Variants in FGF14 observed in about 807,000 individuals in gnomAD.
FGF14 encodes the protein fibroblast growth factor homologous factor 4.
A neutral mutation model predicts 25.5 loss-of-function variants in FGF14; 5 were observed. The observed-to-expected ratio is 0.20, with a 90% CI of 0.10 to 0.41. FGF14 has a LOEUF of 0.41. Among genes scored for constraint, FGF14 ranks in the 10% least tolerant of loss-of-function variants. The probability of loss-of-function intolerance (pLI) is 1.00; values close to 1 mark genes in which losing one functional copy is unlikely to be tolerated. For missense variants in FGF14, 222 were observed against 320.1 expected (o/e 0.69, Z 2.34); for synonymous variants, 138 against 118.3 (o/e 1.17, Z -1.08).
At chr13:102,130,332 T>A (rs2046141059) in intron 1 of FGF14, among the ~76,000 whole-genome samples, 1 of 152,192 alleles carries the variant, frequency 6.6e-6, no homozygotes, top group African/African-American at 2.4e-5. Flanking sequence ...ACCTGCTTTT[T>A]CCTGCGTCTA....
chr13:102,304,537 A>G (rs1346960096), intron 1 of FGF14, among the ~76,000 whole-genome samples: 1 of 152,198 alleles, frequency 6.6e-6, no homozygotes, highest in Non-Finnish European at 1.5e-5. Flanking sequence ...ACCAGCCTTC[A>G]AGAGGGACTC....
intron 3 of FGF14, among the ~76,000 whole-genome samples, chr13:101,826,930 C>T (rs958976884): frequency 6.6e-6 from 1 of 151,808 alleles, no homozygotes; most frequent in African/African-American, 2.4e-5. Flanking sequence ...TCGGTAGTCA[C>T]AGCAATAACT....
intron 1 of FGF14, among the ~76,000 whole-genome samples, chr13:102,091,933 C>T (rs1310767190): frequency 6.6e-6 from 1 of 152,154 alleles, no homozygotes; most frequent in African/African-American, 2.4e-5. Context: ...TGAATATTGT[C>T]AACATTATTT....
intron 1 of FGF14, among the ~76,000 whole-genome samples, chr13:102,164,739 C>T (rs2047925855): frequency 6.6e-6 from 1 of 152,128 alleles, no homozygotes; most frequent in Non-Finnish European, 1.5e-5. Flanking sequence ...AAGTGTTCAC[C>T]AGCTGTGTAC....
intron 2 of FGF14, 106 bp from the exon 3 acceptor site, chr13:101,868,934 T>A (rs1372365220): frequency 1.3e-6 from 1 of 776,116 alleles, no homozygotes; most frequent in Non-Finnish European, 2.3e-6. Flanking sequence ...TCTTTGCCAA[T>A]ACTTTCTAGA....
chr13:101,897,288 A>C (rs1238277504), intron 1 of FGF14, among the ~76,000 whole-genome samples: 1 of 152,186 alleles, frequency 6.6e-6, no homozygotes, highest in African/African-American at 2.4e-5. Flanking sequence ...TTATAAACTT[A>C]GTTGAGAAAT....
intron 1 of FGF14, among the ~76,000 whole-genome samples, chr13:102,158,806 A>T (rs760913363): frequency 6.6e-6 from 1 of 152,188 alleles, no homozygotes; most frequent in Non-Finnish European, 1.5e-5. Flanking sequence ...ACTATAAATT[A>T]TATAACAGGA....
At chr13:101,753,161 C>T (rs753241881) in intron 3 of FGF14, among the ~76,000 whole-genome samples, 26 of 152,116 alleles carry the variant, frequency 1.7e-4, no homozygotes, top group Admixed American at 3.9e-4. Context: ...TCTCTTGCAA[C>T]ATTTTAAATA....
chr13:101,940,946 A>G (rs1196022880), intron 1 of FGF14, among the ~76,000 whole-genome samples: 3 of 152,220 alleles, frequency 2.0e-5, no homozygotes, highest in Non-Finnish European at 4.4e-5. Flanking sequence ...GAAAATGAAA[A>G]CAAAGTAAGT....
intron 1 of FGF14, among the ~76,000 whole-genome samples, chr13:102,212,138 G>A (rs553118220): frequency 1.3e-5 from 2 of 152,220 alleles, no homozygotes; most frequent in East Asian, 3.9e-4. Flanking sequence ...TGCCCAAATA[G>A]GTGATCTTTG....
chr13:102,161,685 G>GTACCCC lies in FGF14; in HGVS notation c.208+239785_208+239786insGGGGTA, dbSNP rs1566765782. On this transcript the variant is annotated intron_variant, in intron 1 of 4. Coordinates refer to the FGF14 transcript ENST00000376131. ...AGAAGAAGAAGAAGAAGAAGAAGAAGAAGAAGAAGAAGAAGAAGAAGAAGA... is the reference window on the plus strand; with the variant it reads ...AGAAGAAGAAGAAGAAGAAGAAGAAGTACCCCAAGAAGAAGAAGAAGAAGAAGAAGA... Among the ~76,000 whole-genome samples, 145 of 103,372 alleles carry GTACCCC rather than the reference G, an allele frequency of 1.4e-3. 3 individuals carry two copies. The highest frequency in any genetic ancestry group is 3.8e-3 in the African/African-American group (109 of 29,040). 67.8% of individuals were successfully genotyped at this position (103,372 alleles called of 152,430 possible).
chr13:101,857,878 C>T (rs563085450), intron 3 of FGF14, among the ~76,000 whole-genome samples: 1 of 151,720 alleles, frequency 6.6e-6, no homozygotes, highest in Non-Finnish European at 1.5e-5. Context: ...AAACAAACAA[C>T]ATAAAAAAGA....
chr13:101,732,393 A>C (rs1402871068), intron 3 of FGF14, among the ~76,000 whole-genome samples: 1 of 152,236 alleles, frequency 6.6e-6, no homozygotes, highest in Non-Finnish European at 1.5e-5. Flanking sequence ...GAGGAAATAG[A>C]GAAACGATAT....
chr13:101,775,778 T>C (rs147053508), intron 3 of FGF14, among the ~76,000 whole-genome samples: 55 of 152,252 alleles, frequency 3.6e-4, no homozygotes, highest in African/African-American at 1.3e-3. Flanking sequence ...CTGATGCCAG[T>C]GTGTGCTTTC....
chr13:101,899,382 A>G (rs2031219789), intron 1 of FGF14, among the ~76,000 whole-genome samples: 1 of 151,982 alleles, frequency 6.6e-6, no homozygotes, highest in Non-Finnish European at 1.5e-5. Flanking sequence ...TAATTAATAT[A>G]TTTAAGAAAA....
intron 1 of FGF14, among the ~76,000 whole-genome samples, chr13:102,118,309 A>T (rs1053062657): frequency 6.6e-6 from 1 of 152,082 alleles, no homozygotes; most frequent in African/African-American, 2.4e-5. Flanking sequence ...TAATGTTAAA[A>T]AGAGAGAGAA....
At chr13:102,025,536 G>A (rs2040879108) in intron 1 of FGF14, among the ~76,000 whole-genome samples, 2 of 151,922 alleles carry the variant, frequency 1.3e-5, no homozygotes, top group African/African-American at 2.4e-5. Context: ...AGCCTTCTGA[G>A]TAGCTGGGAC....
At chr13:101,866,391 C>T (rs1478669073) in intron 3 of FGF14, among the ~76,000 whole-genome samples, 1 of 152,004 alleles carries the variant, frequency 6.6e-6, no homozygotes, top group African/African-American at 2.4e-5. Context: ...AACTATGCTC[C>T]AATCTTATCT....
chr13:101,785,063 G>T lies in FGF14; in HGVS notation c.409-58253C>A, dbSNP rs74121011. Among the ~76,000 whole-genome samples, 1,182 of 152,194 alleles carry T rather than the reference G, an allele frequency of 7.8e-3. 16 individuals are homozygous for T. Among genetic ancestry groups the T allele is most frequent in the African/African-American group, 0.027 (1,134 of 41,510 alleles). On this transcript the variant is annotated intron_variant, in intron 3 of 4. Transcript: ENST00000376143. The stretch of plus-strand genomic sequence containing the variant: ...TAAAATGTGTTCAGGGTCTCACATT[G>T]TCTCCTAGGTACTCTATTTGAGTAG...
Sources: allele counts gnomAD v4.1 joint callset (sites outside exome capture counted in the v4.1 genomes callset), GRCh38; gene constraint gnomAD v4.1.1; transcripts MANE v1.5; gene names NCBI Gene and HGNC (gene_info 2026-07-23, HGNC 2026-07-21).